The following BNIP3L variants were observed in gnomAD, a reference collection of about 807,000 sequenced individuals.
The protein encoded by BNIP3L is BCL2/adenovirus E1B 19 kDa protein-interacting protein 3-like.
BNIP3L carries 10 observed loss-of-function variants against 25.5 expected under a neutral mutation model. The ratio of observed to expected loss-of-function variants is 0.39; its 90% CI spans 0.24 to 0.67. The LOEUF (loss-of-function observed/expected upper bound fraction) is 0.67. Among genes scored for constraint, BNIP3L ranks in the 30% least tolerant of loss-of-function variants. The pLI is 0.45. For missense variants in BNIP3L, 215 were observed against 270.9 expected, an observed-to-expected ratio of 0.79 and a Z score of 1.45; for synonymous variants, 113 against 101.2, an observed-to-expected ratio of 1.12 and a Z score of -0.70.
At chr8:26,384,095 C>T (rs913780624) in intron 1 of BNIP3L, among the ~76,000 whole-genome samples, 1 of 152,214 alleles carries the variant, frequency 6.6e-6, no homozygotes, top group Non-Finnish European at 1.5e-5. Flanking sequence ...TAACATTCCG[C>T]TGCCCAGACA....
intron 3 of BNIP3L, among the ~76,000 whole-genome samples, chr8:26,399,882 G>T (rs1461074953): frequency 7.7e-6 from 1 of 129,794 alleles, no homozygotes; most frequent in African/African-American, 3.1e-5. Flanking sequence ...TCTTCAAGGA[G>T]AACTACAAAC....
intron 3 of BNIP3L, among the ~76,000 whole-genome samples, chr8:26,407,271 C>T (rs1045373389): frequency 4.6e-5 from 7 of 151,892 alleles, no homozygotes; most frequent in Non-Finnish European, 7.4e-5. Context: ...CTGCAAGCTC[C>T]GCCTCCTGGG....
At chr8:26,405,286 C>G (rs1806474721) in intron 3 of BNIP3L, among the ~76,000 whole-genome samples, 1 of 152,178 alleles carries the variant, frequency 6.6e-6, no homozygotes, top group Non-Finnish European at 1.5e-5. Flanking sequence ...TGAGTATAGT[C>G]AGATATTGTG....
At chr8:26,407,711 G>A (rs865907921) in intron 3 of BNIP3L, among the ~76,000 whole-genome samples, 3 of 152,142 alleles carry the variant, frequency 2.0e-5, no homozygotes, top group Admixed American at 1.3e-4. Context: ...AACTCTTATC[G>A]AGGTTTTTCA....
chr8:26,388,927 C>T (rs62490971), intron 1 of BNIP3L, among the ~76,000 whole-genome samples: 2,385 of 152,248 alleles, frequency 0.016, 24 homozygotes, highest in Middle Eastern at 0.048. Context: ...GAATCAAGGC[C>T]GCAGTGAGCT....
chr8:26,392,021 G>C (rs1171120691), intron 2 of BNIP3L, among the ~76,000 whole-genome samples: 1 of 152,172 alleles, frequency 6.6e-6, no homozygotes, highest in African/African-American at 2.4e-5. Flanking sequence ...TTTCTCAGGG[G>C]ATGTTTTGTT....
rs189368685 is a variant in BNIP3L, at chr8:26,385,571, C to G, written c.100+2341C>G. Among the ~76,000 whole-genome samples the G allele has an allele frequency of 4.0e-5, 6 of 148,628 alleles. No homozygotes were observed. The Admixed American group carries it at 4.1e-4, about 10-fold the overall frequency. On this transcript the variant is annotated intron_variant, in intron 1 of 5. Coordinates refer to ENST00000380629, the MANE Select transcript of BNIP3L (RefSeq NM_004331.3). ...TGAGCCGAGATCACGCCACTGCACT[C>G]CAGCCTGGGTGACAGAGCAAGACTC...
chr8:26,407,449 G>A (rs1179129277), intron 3 of BNIP3L, among the ~76,000 whole-genome samples: 1 of 151,902 alleles, frequency 6.6e-6, no homozygotes, highest in African/African-American at 2.4e-5. Flanking sequence ...GCCTCCCAAA[G>A]TGCTGGGATT....
intron 1 of BNIP3L, 63 bp from the exon 2 acceptor site, chr8:26,391,180 C>T (rs1806100990): frequency 7.2e-7 from 1 of 1,394,768 alleles, no homozygotes; most frequent in South Asian, 1.5e-5. Context: ...ACCATGTTCA[C>T]ATCTGTGTGC....
At chr8:26,387,586 T>G (rs1806018691) in intron 1 of BNIP3L, among the ~76,000 whole-genome samples, 1 of 152,080 alleles carries the variant, frequency 6.6e-6, no homozygotes, top group Non-Finnish European at 1.5e-5. Flanking sequence ...ACAAATCGGG[T>G]GATGGGAAAC....
At chr8:26,407,957 T>C (rs1200721511) in intron 3 of BNIP3L, 43 bp from the exon 4 acceptor site, 2 of 1,556,644 alleles carry the variant, frequency 1.3e-6, no homozygotes, top group South Asian at 2.2e-5. Context: ...TTAGGAGGAA[T>C]TGGTCTTCCT....
chr8:26,383,264 G>C (rs764076579), intron 1 of BNIP3L, 34 bp downstream of exon 1: 15 of 1,586,628 alleles, frequency 9.5e-6, no homozygotes, highest in East Asian at 2.3e-5. Flanking sequence ...TGAAGGGGAT[G>C]GGGGAGGAGG....
intron 3 of BNIP3L, among the ~76,000 whole-genome samples, chr8:26,406,420 G>C (rs528486963): frequency 3.3e-5 from 5 of 152,154 alleles, no homozygotes; most frequent in Non-Finnish European, 7.3e-5. Context: ...GCTATGTACT[G>C]GTTGTGGAAC....
At chr8:26,386,655 C>T (rs774538912) in intron 1 of BNIP3L, among the ~76,000 whole-genome samples, 3 of 152,134 alleles carry the variant, frequency 2.0e-5, no homozygotes, top group Middle Eastern at 3.4e-3. Flanking sequence ...GGCTGGTCAC[C>T]GGCTAACTTA....
intron 1 of BNIP3L, among the ~76,000 whole-genome samples, chr8:26,388,565 T>C (rs2117465999): frequency 6.6e-6 from 1 of 152,320 alleles, no homozygotes; most frequent in East Asian, 1.9e-4. Flanking sequence ...TTTACTAAGC[T>C]TTTCTAGGTA....
At chr8:26,408,456 C>G (rs1333330605) in intron 5 of BNIP3L, 80 bp downstream of exon 5, 4 of 1,463,412 alleles carry the variant, frequency 2.7e-6, no homozygotes, top group African/African-American at 1.4e-5. Context: ...TATGTGAAAG[C>G]AGTTTTTATT....
At chr8:26,403,854 T>G (rs778861973) in intron 3 of BNIP3L, among the ~76,000 whole-genome samples, 1 of 152,144 alleles carries the variant, frequency 6.6e-6, no homozygotes, top group African/African-American at 2.4e-5. Context: ...TTTAATGTTC[T>G]CAATCCAGTG....
At chr8:26,402,560 AG>A (rs1048755436) in intron 3 of BNIP3L, among the ~76,000 whole-genome samples, 1 of 152,238 alleles carries the variant, frequency 6.6e-6, no homozygotes, top group Non-Finnish European at 1.5e-5. Flanking sequence ...AAGGTAATGC[AG>A]CCCCAGGTTC....
chr8:26,411,173 C>T lies in BNIP3L; in HGVS notation c.*761C>T, dbSNP rs1011630458. ...TAGAATCTTTCTTTCTGATAAGGAA[C>T]GTCTCAGGCTTAGAAATATATGAAA... On this transcript the variant is annotated 3_prime_UTR_variant, in exon 6 of 6. Transcript: ENST00000380629. 6 of 152,644 alleles carry T rather than the reference C, an allele frequency of 3.9e-5. No homozygotes were observed. Among genetic ancestry groups the T allele is most frequent in the African/African-American group, 1.4e-4 (6 of 41,556 alleles). 9.5% of individuals were successfully genotyped at this position (152,644 alleles called of 1,614,324 possible).
Sources: allele counts gnomAD v4.1 joint callset (sites outside exome capture counted in the v4.1 genomes callset), GRCh38; gene constraint gnomAD v4.1.1; transcripts MANE v1.5; gene names NCBI Gene and HGNC (gene_info 2026-07-23, HGNC 2026-07-21).